ABHD2: variants seen among roughly 807,000 people sequenced by gnomAD.
ABHD2 encodes abhydrolase domain containing 2, acylglycerol lipase, also known as monoacylglycerol lipase ABHD2.
In ABHD2, 20 loss-of-function variants were observed where a neutral mutation model predicts 48.1. That is an observed-to-expected ratio of 0.42 (90% CI 0.29 to 0.60). The LOEUF (loss-of-function observed/expected upper bound fraction) is 0.60. ABHD2 is among the 20% of genes least tolerant of loss of function. The pLI, the probability that ABHD2 is intolerant of heterozygous loss-of-function variation, is 0.24. For missense variants in ABHD2, 405 were observed against 550.9 expected (o/e 0.74, Z 2.65); for synonymous variants, 209 against 214.2 (o/e 0.98, Z 0.21).
chr15:89,076,515 G>A, the ABHD2 span, among the ~76,000 whole-genome samples: 1 of 152,056 alleles, frequency 6.6e-6, no homozygotes, highest in Non-Finnish European at 1.5e-5. Flanking sequence ...ACAGGATCTT[G>A]CTCTGTTACC....
the ABHD2 span, among the ~76,000 whole-genome samples, chr15:89,057,515 A>C: frequency 1.3e-5 from 2 of 152,144 alleles, no homozygotes; most frequent in Admixed American, 1.3e-4. Context: ...GTTCTTTGGG[A>C]AGCTTCAATG....
intron 3 of ABHD2, among the ~76,000 whole-genome samples, chr15:89,144,238 A>G (rs991454265): frequency 6.6e-6 from 1 of 152,062 alleles, no homozygotes; most frequent in Non-Finnish European, 1.5e-5. Context: ...GGTTCAAGCA[A>G]TTCTCCTGCC....
At chr15:89,125,332 A>C (rs1289899227) in intron 3 of ABHD2, among the ~76,000 whole-genome samples, 1 of 152,176 alleles carries the variant, frequency 6.6e-6, no homozygotes, top group African/African-American at 2.4e-5. Flanking sequence ...GCAGAACTGT[A>C]GTGTTCTGAT....
At chr15:89,087,307 C>T (rs1193321275), upstream of ABHD2, 1 of 152,278 alleles carries the variant, frequency 6.6e-6, no homozygotes, top group African/African-American at 2.4e-5. This position sits in a 1 kb window ranked among gnomAD's most constrained non-coding sequence, Gnocchi z 5.5. Context: ...ATGCCACTTC[C>T]CTTCTCTGAC....
intron 5 of ABHD2, among the ~76,000 whole-genome samples, chr15:89,171,996 T>C (rs1440794000): frequency 6.7e-6 from 1 of 148,750 alleles, no homozygotes; most frequent in Non-Finnish European, 1.5e-5. Context: ...GTAAGCCATT[T>C]AATACCCTAT....
Position 89,100,349 on chromosome 15 carries a change from G to A in ABHD2, c.-107+11786G>A, listed in dbSNP as rs996377544. ...CACCCAGGCTGGAGTGCAATAGTGC[G>A]ATCATAGCTCACTGTAGCCTCAATC... On this transcript the variant is annotated intron_variant, in intron 1 of 10. Transcript: ENST00000352732. The surrounding 1 kb of genome is among the most constrained non-coding windows in gnomAD (Gnocchi z 4.4). Among the ~76,000 whole-genome samples the A allele has an allele frequency of 2.7e-5, 4 of 150,844 alleles. No homozygotes were observed. Among genetic ancestry groups the A allele is most frequent in the Non-Finnish European group, 5.9e-5 (4 of 67,884 alleles).
the ABHD2 span, among the ~76,000 whole-genome samples, chr15:89,071,504 A>C: frequency 0.012 from 1,772 of 152,298 alleles, 41 homozygotes; most frequent in African/African-American, 0.041. Flanking sequence ...GGACAGGAAA[A>C]ACGCAACCAC....
At chr15:89,072,608 A>G in the ABHD2 span, among the ~76,000 whole-genome samples, 375 of 150,246 alleles carry the variant, frequency 2.5e-3, 1 homozygote, top group Non-Finnish European at 4.2e-3. Context: ...AGGGGAGGGA[A>G]GGGAAAGTTA....
In ABHD2 at chr15:89,185,389, A is replaced by G. The variant is rs926437231; in HGVS notation, c.723-35A>G. On this transcript the variant is annotated intron_variant, in intron 6 of 10. Transcript: ENST00000352732. This position sits in a 1 kb window ranked among gnomAD's most constrained non-coding sequence, Gnocchi z 5.9. ...CCTGGCTGCCCGCCTGCACCCCCAC[A>G]CCGCAGTCACCCTCACTCGCTGTGG... The G allele has an allele frequency of 6.3e-7, 1 of 1,594,078 alleles. No homozygotes were observed. Among genetic ancestry groups the G allele is most frequent in the Non-Finnish European group, 8.6e-7 (1 of 1,162,664 alleles).
the ABHD2 span, among the ~76,000 whole-genome samples, chr15:89,045,664 T>C: frequency 6.6e-6 from 1 of 152,366 alleles, no homozygotes; most frequent in East Asian, 1.9e-4. Context: ...TTGAAGCAAT[T>C]GTGAATGGGA....
rs1480149143 is a variant in ABHD2, at chr15:89,120,219, T to C, written c.194+3698T>C. Among the ~76,000 whole-genome samples, 4 of 152,250 alleles carry C rather than the reference T, an allele frequency of 2.6e-5. No homozygotes were observed. The highest frequency in any genetic ancestry group is 5.9e-5 in the Non-Finnish European group (4 of 68,046). ...GATACATTATAAATTAATCTTTTAA[T>C]GTCTGGAGGAAAACTTTGCTTCAGT... is the stretch of plus-strand genomic sequence containing the variant. On this transcript the variant is annotated intron_variant, in intron 3 of 10. Coordinates refer to ENST00000352732, the MANE Select transcript of ABHD2 (RefSeq NM_152924.5). This position sits in a 1 kb window ranked among gnomAD's most constrained non-coding sequence, Gnocchi z 4.2.
At chr15:89,145,944 G>C (rs1016687779) in intron 3 of ABHD2, among the ~76,000 whole-genome samples, 4 of 152,204 alleles carry the variant, frequency 2.6e-5, no homozygotes, top group African/African-American at 9.6e-5. Context: ...GTTAGTCAGA[G>C]TTGGGTTTTG....
At chr15:89,135,401 C>T in intron 3 of ABHD2, 1 of 580,570 alleles carries the variant, frequency 1.7e-6, no homozygotes, top group Non-Finnish European at 3.0e-6. Context: ...AGTGTGTTAA[C>T]TATACAAAAA....
chr15:89,171,877 C>T (rs1596143168), intron 5 of ABHD2, among the ~76,000 whole-genome samples: 4 of 152,298 alleles, frequency 2.6e-5, no homozygotes, highest in African/African-American at 7.2e-5. Context: ...CACCCCCAGA[C>T]GTTCTGACTT....
intron 3 of ABHD2, among the ~76,000 whole-genome samples, chr15:89,133,061 C>T (rs971366489): frequency 6.6e-6 from 1 of 152,190 alleles, no homozygotes; most frequent in East Asian, 1.9e-4. Context: ...CAAGGCTCAC[C>T]CTGGTCAAGA....
At position 89,185,378 on chromosome 15, in the gene ABHD2, T is replaced by C. The variant is rs1596158285; in HGVS notation, c.723-46T>C. The C allele has an allele frequency of 1.3e-6, 2 of 1,552,278 alleles. No individual in the cohort carries two copies. Among genetic ancestry groups the C allele is most frequent in the Non-Finnish European group, 1.8e-6 (2 of 1,125,970 alleles). ...TAGAGCCCCCTCCTGGCTGCCCGCC[T>C]GCACCCCCACACCGCAGTCACCCTC... On this transcript the variant is annotated intron_variant, in intron 6 of 10. Transcript: ENST00000352732. This position sits in a 1 kb window ranked among gnomAD's most constrained non-coding sequence, Gnocchi z 5.9.
intron 1 of ABHD2, chr15:89,093,923 C>CG (rs1233554237): frequency 6.6e-6 from 1 of 152,202 alleles, no homozygotes; most frequent in Non-Finnish European, 1.5e-5. Context: ...TCTTGCCTCT[C>CG]GGGTTTTTTT....
At chr15:89,078,382 C>T in the ABHD2 span, among the ~76,000 whole-genome samples, 1 of 152,224 alleles carries the variant, frequency 6.6e-6, no homozygotes, top group African/African-American at 2.4e-5. Flanking sequence ...GGACCCCAAA[C>T]TCACTATGTC....
At position 89,177,550 on chromosome 15, in the gene ABHD2, G is replaced by A. The variant is rs1049561080; in HGVS notation, c.722+1555G>A. 1.2e-4 allele frequency among the ~76,000 whole-genome samples: 19 copies of A among 152,158 alleles called. No homozygotes were observed. Among genetic ancestry groups the A allele is most frequent in the African/African-American group, 4.1e-4 (17 of 41,438 alleles). ...ATAGGCGAGTTTTCAGTTTAGTTACGTTTAGCAGTCCCCGGGGTTAGTGAC... is the reference window on the plus strand; with the variant it reads ...ATAGGCGAGTTTTCAGTTTAGTTACATTTAGCAGTCCCCGGGGTTAGTGAC... On this transcript the variant is annotated intron_variant, in intron 6 of 10. Coordinates refer to ENST00000352732, the MANE Select transcript of ABHD2 (RefSeq NM_152924.5). The surrounding 1 kb of genome is among the most constrained non-coding windows in gnomAD (Gnocchi z 5.6).
Sources: gnomAD v4.1 joint callset for allele counts (sites outside exome capture counted in the v4.1 genomes callset) on GRCh38, gnomAD v4.1.1 for gene constraint, Gnocchi (gnomAD v3.1) non-coding constraint, MANE v1.5 for transcripts, NCBI Gene and HGNC (gene_info 2026-07-23, HGNC 2026-07-21) for gene names.